NELL1: variants seen among roughly 807,000 people sequenced by gnomAD.
The protein encoded by NELL1 is protein kinase C-binding protein NELL1.
NELL1 carries 76 observed loss-of-function variants against 107.4 expected under a neutral mutation model. The ratio of observed to expected loss-of-function variants is 0.71; its 90% CI spans 0.59 to 0.86. The LOEUF is 0.86. Among genes scored for constraint, NELL1 ranks in the 40% least tolerant of loss-of-function variants. NELL1 has a pLI of 0.00. For synonymous variants in NELL1, 353 were observed against 341.2 expected, an observed-to-expected ratio of 1.03 and a Z score of -0.38; for missense variants, 1,024 against 1,005.5, an observed-to-expected ratio of 1.02 and a Z score of -0.25.
intron 4 of NELL1, among the ~76,000 whole-genome samples, chr11:20,883,861 T>C (rs1435375808): frequency 6.6e-6 from 1 of 152,202 alleles, no homozygotes; most frequent in Non-Finnish European, 1.5e-5. Context: ...TCCACTAATG[T>C]TAGGAGAAAA....
chr11:20,700,884 A>G (rs1220373834), intron 2 of NELL1, among the ~76,000 whole-genome samples: 1 of 152,180 alleles, frequency 6.6e-6, no homozygotes, highest in East Asian at 1.9e-4. Flanking sequence ...TATATGTGCC[A>G]CATTTTCTTA....
intron 4 of NELL1, among the ~76,000 whole-genome samples, chr11:20,865,199 C>T (rs1008240691): frequency 6.6e-6 from 1 of 152,106 alleles, no homozygotes; most frequent in South Asian, 2.1e-4. Flanking sequence ...GAGATGAAGA[C>T]GAATACAACT....
chr11:21,326,126 C>A (rs1451947440), intron 14 of NELL1, among the ~76,000 whole-genome samples: 5 of 31,902 alleles, frequency 1.6e-4, no homozygotes, highest in Non-Finnish European at 3.1e-4. Flanking sequence ...TACACTAATT[C>A]TCTTTTTGGC....
At chr11:21,322,491 A>G (rs1194203973) in intron 14 of NELL1, among the ~76,000 whole-genome samples, 2 of 152,158 alleles carry the variant, frequency 1.3e-5, no homozygotes, top group African/African-American at 4.8e-5. Flanking sequence ...ATAATAAAAA[A>G]TAAATTTTAC....
At chr11:20,803,153 T>A (rs79082589) in intron 3 of NELL1, among the ~76,000 whole-genome samples, 2,602 of 152,296 alleles carry the variant, frequency 0.017, 80 homozygotes, top group African/African-American at 0.055. Flanking sequence ...TAGTTTTTTT[T>A]AAAATGTTTG....
At chr11:20,812,622 T>G (rs1857523534) in intron 3 of NELL1, among the ~76,000 whole-genome samples, 1 of 152,180 alleles carries the variant, frequency 6.6e-6, no homozygotes. Flanking sequence ...AATAATTAAT[T>G]TAGCATGCTG....
At chr11:20,738,533 C>T (rs995774699) in intron 2 of NELL1, among the ~76,000 whole-genome samples, 18 of 152,148 alleles carry the variant, frequency 1.2e-4, no homozygotes, top group Non-Finnish European at 1.8e-4. Flanking sequence ...TTTGTGTTCA[C>T]GTTAGAAAAT....
At chr11:21,507,357 A>G (rs1855306229) in intron 15 of NELL1, among the ~76,000 whole-genome samples, 1 of 152,258 alleles carries the variant, frequency 6.6e-6, no homozygotes, top group South Asian at 2.1e-4. Context: ...TTTGGCAGCA[A>G]CAAAAGCTTA....
At chr11:21,257,693 G>C (rs1195848420) in intron 14 of NELL1, among the ~76,000 whole-genome samples, 1 of 151,900 alleles carries the variant, frequency 6.6e-6, no homozygotes, top group East Asian at 1.9e-4. Context: ...AACATTCTTT[G>C]TCAAGAATGT....
chr11:21,028,034 C>T (rs1280900345), intron 12 of NELL1, among the ~76,000 whole-genome samples: 2 of 152,096 alleles, frequency 1.3e-5, no homozygotes, highest in Non-Finnish European at 2.9e-5. Context: ...TGTCCCCATA[C>T]TCAGTTCTCA....
At chr11:21,224,498 G>A (rs1435576872) in intron 13 of NELL1, among the ~76,000 whole-genome samples, 3 of 151,636 alleles carry the variant, frequency 2.0e-5, no homozygotes, top group African/African-American at 4.9e-5. Flanking sequence ...TGGGATTATA[G>A]GTATGTGCCA....
chr11:20,774,322 CT>C (rs201316007), intron 2 of NELL1, among the ~76,000 whole-genome samples: 1,663 of 144,792 alleles, frequency 0.011, 40 homozygotes, highest in African/African-American at 0.039. Flanking sequence ...CCTCTCCTTT[CT>C]TTTTTTCTTT....
intron 14 of NELL1, among the ~76,000 whole-genome samples, chr11:21,334,907 A>G (rs1399849961): frequency 6.6e-6 from 1 of 151,886 alleles, no homozygotes; most frequent in African/African-American, 2.4e-5. Flanking sequence ...AAAAACAGAT[A>G]AAATGCCTAG....
intron 5 of NELL1, 89 bp downstream of exon 5, chr11:20,885,629 A>G: frequency 1.2e-6 from 1 of 819,434 alleles, no homozygotes; most frequent in Non-Finnish European, 2.1e-6. Flanking sequence ...TTATAATTAC[A>G]TTAGTGGGAA....
chr11:20,892,598 A>G (rs550730582), intron 5 of NELL1, among the ~76,000 whole-genome samples: 3 of 152,316 alleles, frequency 2.0e-5, no homozygotes, highest in East Asian at 3.9e-4. Flanking sequence ...TACACAAAGG[A>G]ATATAAATCA....
At chr11:21,016,321 A>T (rs1422922885) in intron 12 of NELL1, among the ~76,000 whole-genome samples, 2 of 152,112 alleles carry the variant, frequency 1.3e-5, no homozygotes, top group East Asian at 3.9e-4. Flanking sequence ...CATACTACTT[A>T]CTTTTTCTTA....
At chr11:21,519,919 A>T (rs1297710896) in intron 15 of NELL1, among the ~76,000 whole-genome samples, 1 of 152,190 alleles carries the variant, frequency 6.6e-6, no homozygotes, top group Non-Finnish European at 1.5e-5. Flanking sequence ...TCTTTCATAC[A>T]TAGTTCATAA....
Position 21,152,530 on chromosome 11 carries a change from C to A in NELL1, c.1426+38816C>A, listed in dbSNP as rs867413453. 6.6e-5 allele frequency among the ~76,000 whole-genome samples: 10 copies of A among 152,096 alleles called. 1 individual carries two copies. In the South Asian group the frequency reaches 1.9e-3, roughly 28 times the overall value. On this transcript the variant is annotated intron_variant, in intron 13 of 19. Coordinates refer to ENST00000357134, the MANE Select transcript of NELL1 (RefSeq NM_006157.5). ...GGTTTTGCGGGTATTGGGGATTGGG[C>A]GGAAGGAAAGGGCAAAGCTGAGGCC...
intron 12 of NELL1, among the ~76,000 whole-genome samples, chr11:21,049,413 A>C (rs1853437069): frequency 6.6e-6 from 1 of 152,080 alleles, no homozygotes. Flanking sequence ...CAGCCACCCC[A>C]TTGTAAGAGT....
Sources: gnomAD v4.1 joint callset for allele counts (sites outside exome capture counted in the v4.1 genomes callset) on GRCh38, gnomAD v4.1.1 for gene constraint, MANE v1.5 for transcripts, NCBI Gene and HGNC (gene_info 2026-07-23, HGNC 2026-07-21) for gene names.